Variants in PTPRD observed in about 807,000 individuals in gnomAD.
PTPRD encodes protein tyrosine phosphatase receptor type D, also known as receptor-type tyrosine-protein phosphatase delta.
Under a neutral mutation model 214.5 loss-of-function variants are expected in PTPRD, and 34 were observed. The observed-to-expected ratio is 0.16, with a 90% CI of 0.12 to 0.21. The LOEUF (loss-of-function observed/expected upper bound fraction) is 0.21, where lower values mean the gene tolerates loss of function less well. Among genes scored for constraint, PTPRD ranks in the 10% least tolerant of loss-of-function variants. PTPRD has a pLI of 1.00. For missense variants in PTPRD, 2,545 were observed against 2,398.7 expected, an observed-to-expected ratio of 1.06 and a Z score of -1.27; for synonymous variants, 1,128 against 845.7, an observed-to-expected ratio of 1.33 and a Z score of -5.79.
At chr9:10,413,196 A>G (rs1182887156) in intron 2 of PTPRD, among the ~76,000 whole-genome samples, 3 of 151,946 alleles carry the variant, frequency 2.0e-5, no homozygotes, top group South Asian at 2.1e-4. Flanking sequence ...ACATGATTCT[A>G]TATCTAGAAA....
At chr9:8,417,002 A>G (rs1002181361) in intron 35 of PTPRD, among the ~76,000 whole-genome samples, 2 of 152,138 alleles carry the variant, frequency 1.3e-5, no homozygotes, top group African/African-American at 4.8e-5. Flanking sequence ...ATAGATACGT[A>G]AATTATAAAT....
intron 6 of PTPRD, among the ~76,000 whole-genome samples, chr9:9,750,662 G>C (rs12378564): frequency 6.6e-6 from 1 of 152,056 alleles, no homozygotes; most frequent in African/African-American, 2.4e-5. Flanking sequence ...TTCTTCTGCA[G>C]CTTACCCTTT....
At chr9:10,325,435 T>C (rs1306169057) in intron 3 of PTPRD, among the ~76,000 whole-genome samples, 3 of 152,120 alleles carry the variant, frequency 2.0e-5, no homozygotes, top group East Asian at 3.9e-4. Flanking sequence ...CTATTTTTAA[T>C]ATTACATGCA....
chr9:10,558,845 G>A (rs1272011797), intron 2 of PTPRD, among the ~76,000 whole-genome samples: 3 of 152,022 alleles, frequency 2.0e-5, no homozygotes, highest in African/African-American at 7.2e-5. Flanking sequence ...CAAAGCATTT[G>A]TTTAAGGAAA....
At chr9:8,635,197 C>G (rs2096392194) in intron 13 of PTPRD, among the ~76,000 whole-genome samples, 1 of 150,754 alleles carries the variant, frequency 6.6e-6, no homozygotes, top group Non-Finnish European at 1.5e-5. Context: ...TTATATGACT[C>G]TCATGGGGAA....
chr9:10,481,252 C>A (rs1566383770), intron 2 of PTPRD, among the ~76,000 whole-genome samples: 1 of 151,972 alleles, frequency 6.6e-6, no homozygotes, highest in Non-Finnish European at 1.5e-5. Context: ...GGGTGAGGGG[C>A]ATTTTAGGTT....
chr9:10,079,265 C>T (rs936975101), intron 3 of PTPRD, among the ~76,000 whole-genome samples: 6 of 152,066 alleles, frequency 3.9e-5, no homozygotes, highest in East Asian at 1.9e-4. Flanking sequence ...TCCAGACGGG[C>T]GTGCCATTGC....
intron 3 of PTPRD, among the ~76,000 whole-genome samples, chr9:10,324,682 G>C (rs545388777): frequency 6.6e-6 from 1 of 151,878 alleles, no homozygotes; most frequent in Admixed American, 6.6e-5. Flanking sequence ...CTGTGATCTA[G>C]GGTATTCCTA....
At chr9:9,187,399 C>G (rs1330686580) in intron 9 of PTPRD, among the ~76,000 whole-genome samples, 2 of 151,918 alleles carry the variant, frequency 1.3e-5, no homozygotes, top group African/African-American at 4.8e-5. Context: ...AAGTAAAATT[C>G]CAGGAAAAAA....
At chr9:10,000,128 A>G (rs1383594042) in intron 4 of PTPRD, among the ~76,000 whole-genome samples, 2 of 152,194 alleles carry the variant, frequency 1.3e-5, no homozygotes, top group African/African-American at 4.8e-5. Context: ...GTTATTCTCC[A>G]ATGGCAAGTC....
intron 9 of PTPRD, among the ~76,000 whole-genome samples, chr9:9,361,878 G>A (rs1476971309): frequency 1.3e-5 from 2 of 150,956 alleles, no homozygotes; most frequent in Non-Finnish European, 3.0e-5. Context: ...AAAACTTCTA[G>A]AAATGGGCAT....
At chr9:9,228,400 CAT>C (rs2099960933) in intron 9 of PTPRD, among the ~76,000 whole-genome samples, 1 of 152,054 alleles carries the variant, frequency 6.6e-6, no homozygotes, top group East Asian at 1.9e-4. Context: ...TATGTGCACA[CAT>C]ATGTGCATGT....
intron 11 of PTPRD, among the ~76,000 whole-genome samples, chr9:8,954,402 A>C (rs1032581026): frequency 1.3e-5 from 2 of 151,806 alleles, no homozygotes; most frequent in East Asian, 3.9e-4. Context: ...TATGCTTACT[A>C]CCTGGGTTAC....
Position 8,518,234 on chromosome 9 carries a change from T to C in PTPRD, c.1157A>G (p.Tyr386Cys), listed in dbSNP as rs780599863. The change falls in exon 21 of 46, where the codon TAC becomes TGC. Residue 386 changes from tyrosine (Y) to cysteine (C), a missense_variant. By Grantham distance (194) the Tyr-to-Cys change is radical (BLOSUM62 -2). Transcript: ENST00000381196. ...TRYSVAGLSP[Y>C]SDYEFRVVAV... is the part of the protein sequence containing the mutation. ...AACAACCCTGAATTCATAATCCGAGTAGGGACTTAGTCCAGCGACACTGTA... is the reference window on the plus strand; with the variant it reads ...AACAACCCTGAATTCATAATCCGAGCAGGGACTTAGTCCAGCGACACTGTA... 1 of 1,614,160 alleles carries C rather than the reference T, an allele frequency of 6.2e-7. No individual in the cohort carries two copies. The highest frequency in any genetic ancestry group is 8.5e-7 in the Non-Finnish European group (1 of 1,180,014).
chr9:9,944,332 C>A (rs2092203443), intron 4 of PTPRD, among the ~76,000 whole-genome samples: 1 of 152,108 alleles, frequency 6.6e-6, no homozygotes, highest in South Asian at 2.1e-4. Flanking sequence ...CAACTCGATA[C>A]AACATTTATT....
Position 9,655,668 on chromosome 9 carries a change from C to T in PTPRD, c.-287+78865G>A, listed in dbSNP as rs77734825. 6.4e-3 allele frequency among the ~76,000 whole-genome samples: 967 copies of T among 151,936 alleles called. 63 individuals are homozygous for T. The East Asian group carries it at 0.16, about 25-fold the overall frequency. On this transcript the variant is annotated intron_variant, in intron 7 of 45. Coordinates refer to ENST00000381196, the MANE Select transcript of PTPRD (RefSeq NM_002839.4). The stretch of plus-strand genomic sequence containing the variant: ...AAAAACACCTTAAAAGATCTGAACA[C>T]ACATCTCACCATAAAATAAATGAAA...
chr9:8,927,941 C>T (rs1376141160), intron 11 of PTPRD, among the ~76,000 whole-genome samples: 3 of 152,166 alleles, frequency 2.0e-5, no homozygotes, highest in South Asian at 2.1e-4. Context: ...TTTTGATTTG[C>T]ATTTCTCTAA....
chr9:9,295,317 G>T lies in PTPRD; in HGVS notation c.-203+102132C>A, dbSNP rs145025959. Among the ~76,000 whole-genome samples the T allele has an allele frequency of 5.8e-3, 885 of 151,798 alleles. 7 individuals carry two copies. The highest frequency in any genetic ancestry group is 0.02 in the African/African-American group (819 of 41,482). ...AGCAAATGTTCTAAAAACAACATAA[G>T]AAGCCAAATGAGTGAATCTTTACAG... On this transcript the variant is annotated intron_variant, in intron 9 of 45. Transcript: ENST00000381196.
At chr9:9,626,951 G>T (rs541347261) in intron 7 of PTPRD, among the ~76,000 whole-genome samples, 3 of 152,296 alleles carry the variant, frequency 2.0e-5, no homozygotes, top group Non-Finnish European at 4.4e-5. Flanking sequence ...AATTTAATAT[G>T]AATTTCAAGA....
Sources: gnomAD v4.1 joint callset for allele counts (sites outside exome capture counted in the v4.1 genomes callset) on GRCh38, gnomAD v4.1.1 for gene constraint, MANE v1.5 for transcripts, NCBI Gene and HGNC (gene_info 2026-07-23, HGNC 2026-07-21) for gene names.